Variants in ST7 observed in about 807,000 individuals in gnomAD.
ST7 encodes the protein suppression of tumorigenicity 7.
ST7 carries 28 observed loss-of-function variants against 78.7 expected under a neutral mutation model. The ratio of observed to expected loss-of-function variants is 0.36; its 90% CI spans 0.26 to 0.49. The LOEUF is 0.49. Ranked by LOEUF, ST7 falls within the 20% of genes least tolerant of loss-of-function variation. The pLI is 0.99. For missense variants in ST7, 418 were observed against 696.0 expected, an observed-to-expected ratio of 0.60 and a Z score of 4.49; for synonymous variants, 247 against 249.6, an observed-to-expected ratio of 0.99 and a Z score of 0.10.
At chr7:117,039,946 T>C (rs1296691007) in intron 1 of ST7, among the ~76,000 whole-genome samples, 2 of 152,196 alleles carry the variant, frequency 1.3e-5, no homozygotes, top group Non-Finnish European at 2.9e-5. Context: ...TCATGGAAGC[T>C]AGAAGAGCCC....
chr7:117,050,941 AAAAAG>A (rs1245750234), intron 1 of ST7, among the ~76,000 whole-genome samples: 2 of 152,028 alleles, frequency 1.3e-5, no homozygotes, highest in Non-Finnish European at 2.9e-5. Context: ...AAAAAAAAAA[AAAAAG>A]AAAAGAAAAT....
chr7:117,171,052 A>C, intron 10 of ST7, 76 bp downstream of exon 10: 1 of 863,238 alleles, frequency 1.2e-6, no homozygotes, highest in East Asian at 2.9e-5. Flanking sequence ...TAGAAGGGTC[A>C]TTTCAAATAG....
chr7:117,054,173 A>G (rs954466814), intron 1 of ST7, among the ~76,000 whole-genome samples: 1 of 151,688 alleles, frequency 6.6e-6, no homozygotes, highest in Non-Finnish European at 1.5e-5. Flanking sequence ...GCTTTCCCAC[A>G]CTCTGAGCAC....
intron 1 of ST7, among the ~76,000 whole-genome samples, chr7:117,018,333 C>T (rs867081782): frequency 1.3e-5 from 2 of 152,260 alleles, no homozygotes; most frequent in Middle Eastern, 6.8e-3. Context: ...CTGTATTATC[C>T]TTTCCCACTT....
intron 1 of ST7, chr7:117,074,011 T>A (rs1048218680): frequency 6.6e-6 from 1 of 152,172 alleles, no homozygotes; most frequent in East Asian, 1.9e-4. Context: ...AAGAAAAAAA[T>A]TACACTAGTC....
At chr7:117,057,799 A>G (rs1798139001) in intron 1 of ST7, among the ~76,000 whole-genome samples, 1 of 152,204 alleles carries the variant, frequency 6.6e-6, no homozygotes, top group Non-Finnish European at 1.5e-5. Context: ...GTATATGAAC[A>G]TGGGCCTGTC....
At chr7:117,209,479 A>G (rs1362570353) in intron 12 of ST7, among the ~76,000 whole-genome samples, 1 of 152,236 alleles carries the variant, frequency 6.6e-6, no homozygotes, top group Admixed American at 6.5e-5. Context: ...CCAAAATTAT[A>G]CCAAATTATT....
intron 1 of ST7, chr7:117,098,661 G>A: frequency 4.1e-6 from 2 of 493,684 alleles, no homozygotes; most frequent in South Asian, 3.4e-5. Flanking sequence ...GTTCATTTTG[G>A]TATATTACTT....
At chr7:117,185,975 A>T (rs1809223905) in intron 10 of ST7, among the ~76,000 whole-genome samples, 1 of 152,202 alleles carries the variant, frequency 6.6e-6, no homozygotes, top group African/African-American at 2.4e-5. Context: ...ACAGTAAGAG[A>T]TTAACAATAA....
chr7:117,142,400 A>C (rs1037401188), intron 9 of ST7, among the ~76,000 whole-genome samples: 1 of 152,112 alleles, frequency 6.6e-6, no homozygotes, highest in Non-Finnish European at 1.5e-5. Flanking sequence ...TGCCTTGTGC[A>C]TTGTAGGATG....
chr7:117,171,139 T>A (rs1275619693), intron 10 of ST7, among the ~76,000 whole-genome samples, 163 bp downstream of exon 10: 1 of 152,324 alleles, frequency 6.6e-6, no homozygotes, highest in East Asian at 1.9e-4. Flanking sequence ...GATCTTAGAA[T>A]TTCATGGTTA....
intron 1 of ST7, among the ~76,000 whole-genome samples, chr7:117,054,000 G>A (rs1424046587): frequency 6.6e-6 from 1 of 152,000 alleles, no homozygotes; most frequent in East Asian, 1.9e-4. Flanking sequence ...ACCAGGCCTG[G>A]CTAATTTTTG....
intron 15 of ST7, among the ~76,000 whole-genome samples, chr7:117,229,012 A>G (rs762233083): frequency 1.3e-5 from 2 of 152,264 alleles, no homozygotes; most frequent in Non-Finnish European, 2.9e-5. Context: ...CAAGAACAGA[A>G]TTAGAATGGA....
At chr7:117,204,230 T>G (rs912444100) in intron 12 of ST7, among the ~76,000 whole-genome samples, 1 of 152,222 alleles carries the variant, frequency 6.6e-6, no homozygotes, top group African/African-American at 2.4e-5. Context: ...TACAGTAATA[T>G]GAACATTTAA....
At chr7:117,024,947 G>A (rs1364940135) in intron 1 of ST7, among the ~76,000 whole-genome samples, 1 of 152,152 alleles carries the variant, frequency 6.6e-6, no homozygotes, top group African/African-American at 2.4e-5. Context: ...GCATTAAGTT[G>A]AAACTGACAG....
intron 12 of ST7, among the ~76,000 whole-genome samples, chr7:117,207,677 T>C (rs1791904316): frequency 6.6e-6 from 1 of 152,250 alleles, no homozygotes; most frequent in Non-Finnish European, 1.5e-5. Flanking sequence ...CTGGGACACA[T>C]GAGTTAGTTG....
chr7:117,104,468 G>A (rs1293391859), intron 2 of ST7, among the ~76,000 whole-genome samples: 3 of 152,068 alleles, frequency 2.0e-5, no homozygotes, highest in East Asian at 1.9e-4. Context: ...AAAACTGGGT[G>A]TAACAGAAGC....
At chr7:117,133,318 A>G (rs1804516811) in intron 6 of ST7, among the ~76,000 whole-genome samples, 1 of 151,566 alleles carries the variant, frequency 6.6e-6, no homozygotes, top group South Asian at 2.1e-4. Context: ...GCCTGCCTAC[A>G]AGGTCTTTCG....
At chr7:116,972,628 T>A in intron 1 of ST7, 1 of 1,277,958 alleles carries the variant, frequency 7.8e-7, no homozygotes, top group African/African-American at 1.5e-5. Flanking sequence ...GGGCTGGTTT[T>A]CAATAAACTT....
Sources: gnomAD v4.1 joint callset for allele counts (sites outside exome capture counted in the v4.1 genomes callset) on GRCh38, gnomAD v4.1.1 for gene constraint, MANE v1.5 for transcripts, NCBI Gene and HGNC (gene_info 2026-07-23, HGNC 2026-07-21) for gene names.